The following HPD variants were observed in gnomAD, a reference collection of about 807,000 sequenced individuals.
HPD encodes 4-hydroxyphenylpyruvic acid oxidase.
In HPD, 35 loss-of-function variants were observed where a neutral mutation model predicts 56.9. The observed-to-expected ratio is 0.62, with a 90% CI of 0.47 to 0.82. HPD has a LOEUF of 0.82. Ranked by LOEUF, HPD falls within the 40% of genes least tolerant of loss-of-function variation. The probability of loss-of-function intolerance (pLI) is 0.00; values close to 1 mark genes in which losing one functional copy is unlikely to be tolerated. For synonymous variants in HPD, 186 were observed against 200.2 expected (o/e 0.93, Z 0.60); for missense variants, 442 against 506.8 (o/e 0.87, Z 1.23).
At chr12:121,857,059 GT>G in intron 4 of HPD, 1 of 517,284 alleles carries the variant, frequency 1.9e-6, no homozygotes, top group Non-Finnish European at 3.5e-6. Flanking sequence ...TTTTGTTGTT[GT>G]TGTTGGGGTT....
the HPD span, among the ~76,000 whole-genome samples, chr12:121,879,295 T>A: frequency 7.5e-3 from 1,132 of 151,364 alleles, 9 homozygotes; most frequent in South Asian, 0.038. Context: ...AAATAAATAA[T>A]TAATTAAAAA....
rs752624312 is a variant in HPD at position 121,856,421 on chromosome 12, G to C, written c.242-15C>G. ...ATCGCCCATCTCTGTGGCCGGCAGG[G>C]AGAGGATGGCACTGGAGTCTGGAGT... On this transcript the variant is annotated splice_polypyrimidine_tract_variant and intron_variant, in intron 5 of 13. Transcript: ENST00000289004. The C allele has an allele frequency of 6.2e-7, 1 of 1,613,140 alleles. No homozygotes were observed. Among genetic ancestry groups the C allele is most frequent in the African/African-American group, 1.3e-5 (1 of 74,890 alleles).
chr12:121,858,854 C>T lies in HPD; in HGVS notation c.-31G>A, dbSNP rs1878101832. On this transcript the variant is annotated 5_prime_UTR_variant, in exon 1 of 14. Transcript: ENST00000289004. ...ATCTTAGTCAAACCTCCTACTGGGA[C>T]TAGAGGCCTGGGGAGTGCTGGGCCG... The T allele has an allele frequency of 6.2e-7, 1 of 1,614,006 alleles. No homozygotes were observed. The highest frequency in any genetic ancestry group is 8.5e-7 in the Non-Finnish European group (1 of 1,179,874).
Position 121,857,739 on chromosome 12 carries a change from C to T in HPD, c.93+18G>A. Reference sequence around the variant, plus strand: ...GCCCTGCCGTCTGCTCACTCCAGCACCTTGCCCCGGCTTCTACCTGCTTGG... The same window carrying T: ...GCCCTGCCGTCTGCTCACTCCAGCATCTTGCCCCGGCTTCTACCTGCTTGG... On this transcript the variant is annotated intron_variant, in intron 3 of 13. Coordinates refer to ENST00000289004, the MANE Select transcript of HPD (RefSeq NM_002150.3). 1 of 1,611,228 alleles carries T rather than the reference C, an allele frequency of 6.2e-7. No individual in the cohort carries two copies. Among genetic ancestry groups the T allele is most frequent in the South Asian group, 1.1e-5 (1 of 90,996 alleles).
intron 7 of HPD, among the ~76,000 whole-genome samples, chr12:121,853,587 A>C (rs1369020362): frequency 6.7e-6 from 1 of 148,712 alleles, no homozygotes; most frequent in African/African-American, 2.5e-5. Context: ...GTGCCACTGC[A>C]CTCCAGCCTG....
intron 11 of HPD, among the ~76,000 whole-genome samples, chr12:121,846,192 C>T (rs1877576676): frequency 6.6e-6 from 1 of 152,124 alleles, no homozygotes; most frequent in African/African-American, 2.4e-5. Context: ...AGCCACTGTG[C>T]CCAGTCCTAA....
At chr12:121,874,705 G>A in the HPD span, among the ~76,000 whole-genome samples, 1 of 151,872 alleles carries the variant, frequency 6.6e-6, no homozygotes, top group African/African-American at 2.4e-5. Flanking sequence ...TGGGAGATGT[G>A]TGCATGTGAA....
At chr12:121,845,544 T>C (rs1877554929) in intron 11 of HPD, among the ~76,000 whole-genome samples, 1 of 142,022 alleles carries the variant, frequency 7.0e-6, no homozygotes. Context: ...GAGCTTGCAG[T>C]GAGCCGAGAT....
upstream of HPD, chr12:121,858,900 G>T: frequency 1.9e-6 from 3 of 1,569,796 alleles, no homozygotes; most frequent in Non-Finnish European, 2.6e-6. Context: ...CCCCAAGCAG[G>T]TCCCGCCCAG....
chr12:121,879,531 T>C, the HPD span, among the ~76,000 whole-genome samples: 1 of 151,846 alleles, frequency 6.6e-6, no homozygotes, highest in Non-Finnish European at 1.5e-5. Flanking sequence ...TTTCTCTTAT[T>C]TGATGGGGTC....
chr12:121,888,391 G>T, the HPD span, among the ~76,000 whole-genome samples: 1 of 152,162 alleles, frequency 6.6e-6, no homozygotes, highest in Non-Finnish European at 1.5e-5. Context: ...GTGTACTCAG[G>T]CATATCGGAT....
At chr12:121,862,596 CTTTTTTTTTTTTTTT>C (rs146807602), upstream of HPD, among the ~76,000 whole-genome samples, 1 of 43,068 alleles carries the variant, frequency 2.3e-5, no homozygotes, top group Non-Finnish European at 3.7e-5. Context: ...CGCTCTCGGC[CTTTTTTTTTTTTTTT>C]TTTTTTTTTT....
chr12:121,845,886 T>TA (rs923004123), intron 11 of HPD, among the ~76,000 whole-genome samples: 6 of 152,072 alleles, frequency 3.9e-5, no homozygotes, highest in Non-Finnish European at 7.4e-5. Context: ...TTCCTCATTT[T>TA]AAAAAAAATT....
At chr12:121,848,688 C>T (rs569778665) in intron 9 of HPD, among the ~76,000 whole-genome samples, 11 of 152,238 alleles carry the variant, frequency 7.2e-5, no homozygotes, top group African/African-American at 2.4e-4. Flanking sequence ...GTCGCCCAAC[C>T]TCCACCTCCC....
upstream of HPD, among the ~76,000 whole-genome samples, chr12:121,863,350 G>A (rs1485692879): frequency 6.6e-6 from 1 of 152,216 alleles, no homozygotes; most frequent in African/African-American, 2.4e-5. Flanking sequence ...CAAGCCGAGA[G>A]AGGGTACATC....
At chr12:121,848,276 T>C (rs541839430) in intron 9 of HPD, among the ~76,000 whole-genome samples, 1 of 152,208 alleles carries the variant, frequency 6.6e-6, no homozygotes, top group South Asian at 2.1e-4. Context: ...CAACATCTTG[T>C]GCTGTATTTT....
the HPD span, among the ~76,000 whole-genome samples, chr12:121,879,743 T>C: frequency 1.3e-5 from 2 of 152,170 alleles, no homozygotes; most frequent in Non-Finnish European, 2.9e-5. Context: ...ATGATACATA[T>C]GATTTGATAC....
At chr12:121,847,600 C>A (rs948353651) in intron 9 of HPD, among the ~76,000 whole-genome samples, 117 of 152,292 alleles carry the variant, frequency 7.7e-4, no homozygotes, top group Non-Finnish European at 1.5e-4. Context: ...TGCAGTGACG[C>A]AATCTCGGCT....
intron 11 of HPD, among the ~76,000 whole-genome samples, chr12:121,845,139 G>T (rs1016061563): frequency 6.7e-6 from 1 of 149,084 alleles, no homozygotes; most frequent in African/African-American, 2.6e-5. Flanking sequence ...GAGAGACAGG[G>T]TCTTTGTTCT....
Sources: allele counts gnomAD v4.1 joint callset (sites outside exome capture counted in the v4.1 genomes callset), GRCh38; gene constraint gnomAD v4.1.1; transcripts MANE v1.5; gene names NCBI Gene and HGNC (gene_info 2026-07-23, HGNC 2026-07-21).